KIF15: variants seen among roughly 807,000 people sequenced by gnomAD.
KIF15 encodes the protein kinesin family member 15, also known as kinesin-like protein KIF15.
Under a neutral mutation model 190.6 loss-of-function variants are expected in KIF15, and 140 were observed. The ratio of observed to expected loss-of-function variants is 0.73; its 90% CI spans 0.64 to 0.84. KIF15 has a LOEUF of 0.84. KIF15 is among the 40% of genes least tolerant of loss of function. The pLI, the probability that KIF15 is intolerant of heterozygous loss-of-function variation, is 0.00. For synonymous variants in KIF15, 528 were observed against 551.3 expected (o/e 0.96, Z 0.59); for missense variants, 1,372 against 1,584.4 (o/e 0.87, Z 2.28).
intron 6 of KIF15, chr3:44,863,799 A>C: frequency 5.2e-6 from 1 of 191,996 alleles, no homozygotes; most frequent in Non-Finnish European, 1.1e-5. Flanking sequence ...ATCTCAAGAA[A>C]TAAGAACTCT....
intron 28 of KIF15, among the ~76,000 whole-genome samples, chr3:44,840,682 T>TTTTTTTTTC (rs1308420788): frequency 7.1e-6 from 1 of 141,318 alleles, no homozygotes; most frequent in African/African-American, 2.6e-5. Context: ...TTTTTTTTTT[T>TTTTTTTTTC]TTGGCAGATG....
intron 1 of KIF15, among the ~76,000 whole-genome samples, chr3:44,766,663 G>C (rs1312791698): frequency 6.6e-6 from 1 of 152,116 alleles, no homozygotes; most frequent in Non-Finnish European, 1.5e-5. Flanking sequence ...AGATGGGAGG[G>C]AGACAGCAAT....
chr3:44,769,218 G>GT (rs1273696131), intron 1 of KIF15, among the ~76,000 whole-genome samples: 5 of 152,212 alleles, frequency 3.3e-5, no homozygotes, highest in East Asian at 1.9e-4. Flanking sequence ...AAAAGAAGGT[G>GT]TTTTTTTCAA....
intron 32 of KIF15, among the ~76,000 whole-genome samples, chr3:44,849,507 T>G (rs144182125): frequency 9.6e-4 from 146 of 152,216 alleles, no homozygotes; most frequent in African/African-American, 3.4e-3. Context: ...GAAAAGAAAA[T>G]AAAGCTCTTG....
At position 44,802,806 on chromosome 3, in the gene KIF15, T is replaced by A; in HGVS notation, c.1510-8T>A. On this transcript the variant is annotated splice_region_variant and splice_polypyrimidine_tract_variant and intron_variant, in intron 13 of 34. Coordinates refer to ENST00000326047, the MANE Select transcript of KIF15 (RefSeq NM_020242.3). ...ATATATAATGCGTGTAATTCTTCTATGTCACAGATAGAGCACCACCCCAGA... is the reference window on the plus strand; with the variant it reads ...ATATATAATGCGTGTAATTCTTCTAAGTCACAGATAGAGCACCACCCCAGA... 1.3e-6 allele frequency: 2 copies of A among 1,546,200 alleles called. No homozygotes were observed. The highest frequency in any genetic ancestry group is 1.7e-6 in the Non-Finnish European group (2 of 1,153,760).
At chr3:44,864,246 A>G (rs1356335082) in intron 6 of KIF15, 14 of 1,614,068 alleles carry the variant, frequency 8.7e-6, no homozygotes, top group African/African-American at 5.3e-5. Context: ...GCGAGCACCA[A>G]TTCTCTGATG....
At position 44,841,200 on chromosome 3, in the gene KIF15, G is replaced by C. The variant is rs1698585176; in HGVS notation, c.3547G>C (p.Asp1183His). The change falls in exon 29 of 35, where the codon GAC (aspartate) becomes CAC (histidine). Residue 1183 changes from aspartate (D) to histidine (H), a missense_variant. Physicochemically the swap from Asp to His is moderately conservative, Grantham distance 81. Transcript: ENST00000326047. ...LEHLVTKLNE[D>H]REVKNAEILR... ...ACACCTTGTAACAAAGCTAAATGAA[G>C]ACAGAGAAGTCAAAAATGCTGAAAT... 1.2e-6 allele frequency: 2 copies of C among 1,608,054 alleles called. No individual in the cohort carries two copies. The highest frequency in any genetic ancestry group is 3.5e-5 in the Admixed American group (2 of 57,706).
intron 7 of KIF15, among the ~76,000 whole-genome samples, chr3:44,791,315 A>G (rs1706686923): frequency 1.3e-5 from 2 of 152,108 alleles, no homozygotes; most frequent in African/African-American, 2.4e-5. Context: ...CTGTTGATCT[A>G]TATGTTTCTT....
rs182656233 is a variant in KIF15, at chr3:44,830,823, G to A, written c.3049-73G>A. On this transcript the variant is annotated intron_variant, in intron 25 of 34. Transcript: ENST00000326047. Reference sequence around the variant, plus strand: ...AATCTTGTCATCACCTTGGAACCCAGACTCATTCTTGTTATTTTAATCTAG... The same window carrying A: ...AATCTTGTCATCACCTTGGAACCCAAACTCATTCTTGTTATTTTAATCTAG... 9.2e-3 allele frequency: 13,614 copies of A among 1,482,438 alleles called. 88 individuals are homozygous for A. The highest frequency in any genetic ancestry group is 0.011 in the Non-Finnish European group (12,168 of 1,090,268). 91.8% of individuals were successfully genotyped at this position (1,482,438 alleles called of 1,614,324 possible).
At chr3:44,805,612 A>C (rs1707459649) in intron 15 of KIF15, among the ~76,000 whole-genome samples, 1 of 152,226 alleles carries the variant, frequency 6.6e-6, no homozygotes, top group Admixed American at 6.5e-5. Context: ...ATCATGGACT[A>C]TTTGTTTGGG....
In KIF15 at chr3:44,794,375, A is replaced by G; in HGVS notation, c.798A>G (p.Leu266=). ...IRTSLLNLVD[L]AGSERQKDTH... The stretch of plus-strand genomic sequence containing the variant: ...CCTCCCTACTCAACCTGGTGGATTT[A>G]GCAGGATCTGAAAGGCAAAAAGATA... The change falls in exon 8 of 35, where the codon TTA becomes TTG. Residue 266 remains leucine, a synonymous_variant. Coordinates refer to ENST00000326047, the MANE Select transcript of KIF15 (RefSeq NM_020242.3). 1 of 1,612,988 alleles carries G rather than the reference A, an allele frequency of 6.2e-7. No homozygotes were observed. Among genetic ancestry groups the G allele is most frequent in the Non-Finnish European group, 8.5e-7 (1 of 1,179,290 alleles).
chr3:44,852,046 A>G, intron 33 of KIF15, 94 bp downstream of exon 33: 1 of 1,460,338 alleles, frequency 6.8e-7, no homozygotes. Flanking sequence ...GGGTGTCCTT[A>G]GTTCAGAGTT....
At chr3:44,845,818 C>T (rs944977149) in intron 30 of KIF15, among the ~76,000 whole-genome samples, 3 of 152,210 alleles carry the variant, frequency 2.0e-5, no homozygotes, top group Admixed American at 6.5e-5. Flanking sequence ...GACAAGCTGC[C>T]AGCACCAGGA....
rs771670400 is a variant in KIF15, at chr3:44,826,160, G to A, written c.2671G>A (p.Glu891Lys). 2 of 1,576,208 alleles carry A rather than the reference G, an allele frequency of 1.3e-6. No individual in the cohort carries two copies. The highest frequency in any genetic ancestry group is 8.5e-7 in the Non-Finnish European group (1 of 1,170,248). Residue 891 changes from glutamate to lysine, a missense_variant, in exon 21 of 35, where the codon GAA becomes AAA. Physicochemically the swap from Glu to Lys is moderately conservative, Grantham distance 56. Coordinates refer to ENST00000326047, the MANE Select transcript of KIF15 (RefSeq NM_020242.3). ...LSRNLQNFKK[E>K]NETLKSDLNN... ...AAGAAACCTCCAAAACTTCAAAAAA[G>A]AAAATGAAACTCTGAAATCTGATCT...
chr3:44,800,579 A>G, intron 11 of KIF15, 142 bp downstream of exon 11: 3 of 768,776 alleles, frequency 3.9e-6, no homozygotes, highest in Non-Finnish European at 6.3e-6. Flanking sequence ...CTATATAGGA[A>G]CATAGTGGTT....
At chr3:44,863,207 G>C (rs1163604196) in intron 6 of KIF15, 1 of 150,110 alleles carries the variant, frequency 6.7e-6, no homozygotes, top group Non-Finnish European at 1.5e-5. Context: ...TGAACACCCT[G>C]GTGTAAGTTA....
At chr3:44,816,092 A>G (rs1708019977) in intron 20 of KIF15, among the ~76,000 whole-genome samples, 1 of 152,190 alleles carries the variant, frequency 6.6e-6, no homozygotes, top group Non-Finnish European at 1.5e-5. Flanking sequence ...CATAATTATT[A>G]CTAATGAAAT....
At chr3:44,771,695 C>A (rs1178122595) in intron 1 of KIF15, among the ~76,000 whole-genome samples, 1 of 152,166 alleles carries the variant, frequency 6.6e-6, no homozygotes, top group Admixed American at 6.6e-5. Context: ...TTTTATAACC[C>A]TTTACAGATT....
At chr3:44,771,300 G>A (rs982897346) in intron 1 of KIF15, among the ~76,000 whole-genome samples, 12 of 151,862 alleles carry the variant, frequency 7.9e-5, no homozygotes, top group African/African-American at 2.7e-4. Context: ...GGGACTCCTC[G>A]GAAAAAACAG....
Sources: allele counts gnomAD v4.1 joint callset (sites outside exome capture counted in the v4.1 genomes callset), GRCh38; gene constraint gnomAD v4.1.1; transcripts MANE v1.5; gene names NCBI Gene and HGNC (gene_info 2026-07-23, HGNC 2026-07-21).